SMYD3: variants seen among roughly 807,000 people sequenced by gnomAD.
SMYD3 encodes SET and MYND domain containing 3.
A neutral mutation model predicts 57.7 loss-of-function variants in SMYD3; 36 were observed. The ratio of observed to expected loss-of-function variants is 0.62; its 90% confidence interval spans 0.48 to 0.82. The LOEUF (loss-of-function observed/expected upper bound fraction) is 0.82, where lower values mean the gene tolerates loss of function less well. Among genes scored for constraint, SMYD3 ranks in the 40% least tolerant of loss-of-function variants. SMYD3 has a pLI of 0.00. For synonymous variants in SMYD3, 211 were observed against 195.0 expected, an observed-to-expected ratio of 1.08 and a Z score of -0.68; for missense variants, 515 against 538.8, an observed-to-expected ratio of 0.96 and a Z score of 0.44.
At position 246,076,600 on chromosome 1, in the gene SMYD3, A is replaced by C. The variant is rs534582385; in HGVS notation, c.532-146663T>G. Among the ~76,000 whole-genome samples, 57 of 152,356 alleles carry C rather than the reference A, an allele frequency of 3.7e-4. 1 individual carries two copies. Among genetic ancestry groups the C allele is most frequent in the African/African-American group, 1.3e-3 (52 of 41,588 alleles). ...CTGATAGCCAAAATAGTAAAAAATAAGTCTAAGGCATGTCACTTACTTGCT... is the reference window on the plus strand; with the variant it reads ...CTGATAGCCAAAATAGTAAAAAATACGTCTAAGGCATGTCACTTACTTGCT... On this transcript the variant is annotated intron_variant, in intron 5 of 11. Coordinates refer to ENST00000490107, the MANE Select transcript of SMYD3 (RefSeq NM_001167740.2).
At chr1:246,334,366 A>G (rs747103907) in intron 3 of SMYD3, among the ~76,000 whole-genome samples, 3 of 152,276 alleles carry the variant, frequency 2.0e-5, no homozygotes, top group African/African-American at 7.2e-5. Flanking sequence ...ACACTATGAA[A>G]TACCATGCAA....
intron 5 of SMYD3, among the ~76,000 whole-genome samples, chr1:246,049,094 G>T (rs2060018613): frequency 6.6e-6 from 1 of 152,046 alleles, no homozygotes; most frequent in Non-Finnish European, 1.5e-5. Flanking sequence ...AGGAAAATGG[G>T]GTTGGAGGCA....
intron 2 of SMYD3, among the ~76,000 whole-genome samples, chr1:246,350,534 G>C (rs1227860617): frequency 1.3e-5 from 2 of 152,176 alleles, no homozygotes; most frequent in Non-Finnish European, 2.9e-5. Flanking sequence ...AAATGGATCT[G>C]TCGCCAAGAA....
chr1:245,807,189 C>T (rs1177342144), intron 10 of SMYD3, among the ~76,000 whole-genome samples: 1 of 152,130 alleles, frequency 6.6e-6, no homozygotes, highest in Non-Finnish European at 1.5e-5. Flanking sequence ...CTCACCTCCA[C>T]TCCTGGCCAA....
At chr1:246,300,785 T>C (rs951498314) in intron 5 of SMYD3, among the ~76,000 whole-genome samples, 3 of 152,126 alleles carry the variant, frequency 2.0e-5, no homozygotes, top group Non-Finnish European at 2.9e-5. Context: ...CAAGCCACAG[T>C]GCCTGGAATA....
At chr1:246,375,325 CTTTTTTTTTTTTTTTTTT>C (rs60882470) in intron 1 of SMYD3, among the ~76,000 whole-genome samples, 5 of 62,246 alleles carry the variant, frequency 8.0e-5, no homozygotes, top group African/African-American at 5.8e-5. Context: ...TAATGAGAGA[CTTTTTTTTTTTTTTTTTT>C]TTTTTTTTTT....
chr1:245,912,687 G>A (rs531602164), intron 8 of SMYD3, among the ~76,000 whole-genome samples: 23 of 151,878 alleles, frequency 1.5e-4, no homozygotes, highest in African/African-American at 5.1e-4. Flanking sequence ...AACAGAAAAC[G>A]CACAATTAAA....
At chr1:245,866,113 A>G (rs1273219877) in intron 8 of SMYD3, among the ~76,000 whole-genome samples, 2 of 152,246 alleles carry the variant, frequency 1.3e-5, no homozygotes, top group African/African-American at 4.8e-5. Context: ...TGCCAGAGTC[A>G]GTCTGTGTTT....
At chr1:245,839,206 T>G (rs1338723868) in intron 10 of SMYD3, among the ~76,000 whole-genome samples, 2 of 152,206 alleles carry the variant, frequency 1.3e-5, no homozygotes, top group South Asian at 2.1e-4. Context: ...TTCTCGCTCT[T>G]TCGCCCAGGC....
chr1:246,186,783 T>C (rs1291491601), intron 5 of SMYD3: 6 of 985,344 alleles, frequency 6.1e-6, no homozygotes, highest in Non-Finnish European at 7.2e-6. Context: ...CAGCAGTTCC[T>C]CAGCCAAGTC....
intron 5 of SMYD3, among the ~76,000 whole-genome samples, chr1:245,960,767 T>G (rs1236343258): frequency 6.6e-6 from 1 of 150,940 alleles, no homozygotes; most frequent in Non-Finnish European, 1.5e-5. Context: ...TAAATTAGCC[T>G]TATAAATTAC....
chr1:246,073,840 T>C (rs990188119), intron 5 of SMYD3, among the ~76,000 whole-genome samples: 1 of 152,170 alleles, frequency 6.6e-6, no homozygotes, highest in Non-Finnish European at 1.5e-5. Context: ...ATAGAGGTAC[T>C]GGAAAGCACA....
At chr1:246,191,089 T>G (rs1238200539) in intron 5 of SMYD3, among the ~76,000 whole-genome samples, 5 of 152,232 alleles carry the variant, frequency 3.3e-5, no homozygotes, top group African/African-American at 1.2e-4. Flanking sequence ...AAAACGCACC[T>G]CACGGTGCAT....
At chr1:246,168,518 C>T (rs1012794491) in intron 5 of SMYD3, among the ~76,000 whole-genome samples, 1 of 152,206 alleles carries the variant, frequency 6.6e-6, no homozygotes, top group Non-Finnish European at 1.5e-5. Flanking sequence ...GAACCTTTGG[C>T]TATACAGACA....
At chr1:245,910,281 T>C (rs2054873502) in intron 8 of SMYD3, among the ~76,000 whole-genome samples, 1 of 152,042 alleles carries the variant, frequency 6.6e-6, no homozygotes, top group Admixed American at 6.6e-5. Flanking sequence ...GTATAAAGCA[T>C]TGATAAAAGA....
intron 1 of SMYD3, among the ~76,000 whole-genome samples, chr1:246,391,382 GAGAGAGAGAGAA>G (rs1335875384): frequency 1.5e-4 from 15 of 100,722 alleles, no homozygotes; most frequent in Middle Eastern, 4.7e-3. Flanking sequence ...CTTATTGAGA[GAGAGAGAGAGAA>G]AGAGAGAGAG....
At chr1:245,901,859 C>T (rs779747365) in intron 8 of SMYD3, among the ~76,000 whole-genome samples, 1 of 152,180 alleles carries the variant, frequency 6.6e-6, no homozygotes, top group Non-Finnish European at 1.5e-5. Flanking sequence ...CAGTTGTCCA[C>T]ATTACCACCA....
At chr1:246,123,363 C>T (rs768612100) in intron 5 of SMYD3, among the ~76,000 whole-genome samples, 3 of 152,020 alleles carry the variant, frequency 2.0e-5, no homozygotes, top group East Asian at 1.9e-4. Flanking sequence ...GCCAAGAGAT[C>T]GAGACCATCC....
At chr1:246,173,611 G>A (rs1324546627) in intron 5 of SMYD3, among the ~76,000 whole-genome samples, 5 of 151,864 alleles carry the variant, frequency 3.3e-5, no homozygotes, top group Admixed American at 6.6e-5. Flanking sequence ...TAAAAACGAC[G>A]ACACAAACAC....
Sources: allele counts gnomAD v4.1 joint callset (sites outside exome capture counted in the v4.1 genomes callset), GRCh38; gene constraint gnomAD v4.1.1; transcripts MANE v1.5; gene names NCBI Gene and HGNC (gene_info 2026-07-23, HGNC 2026-07-21).